KCNQ3: variants seen among roughly 807,000 people sequenced by gnomAD.
KCNQ3 encodes the protein potassium voltage-gated channel subfamily KQT member 3.
Under a neutral mutation model 92.5 loss-of-function variants are expected in KCNQ3, and 30 were observed. The observed-to-expected ratio is 0.32, with a 90% CI of 0.24 to 0.44. KCNQ3 has a LOEUF of 0.44. Ranked by LOEUF, KCNQ3 falls within the 20% of genes least tolerant of loss-of-function variation. The pLI, the probability that KCNQ3 is intolerant of heterozygous loss-of-function variation, is 1.00. For missense variants in KCNQ3, 913 were observed against 1,140.3 expected (o/e 0.80, Z 2.87); for synonymous variants, 450 against 468.8 (o/e 0.96, Z 0.52).
At chr8:132,134,426 G>C (rs1407516673) in intron 12 of KCNQ3, 38 bp from the exon 13 acceptor site, 6 of 1,410,368 alleles carry the variant, frequency 4.3e-6, no homozygotes, top group Non-Finnish European at 6.0e-6. Flanking sequence ...AAATTACACA[G>C]AGCTTTGTTT....
chr8:132,389,070 A>T (rs1445459862), intron 1 of KCNQ3, among the ~76,000 whole-genome samples: 1 of 152,212 alleles, frequency 6.6e-6, no homozygotes, highest in African/African-American at 2.4e-5. Flanking sequence ...TTCAGTATTT[A>T]AAAAAATGAA....
At chr8:132,281,466 G>A (rs1816509807) in intron 1 of KCNQ3, among the ~76,000 whole-genome samples, 1 of 151,450 alleles carries the variant, frequency 6.6e-6, no homozygotes, top group Non-Finnish European at 1.5e-5. Context: ...ACATACACAT[G>A]GAGTATGTAT....
At chr8:132,356,064 T>A (rs976979356) in intron 1 of KCNQ3, among the ~76,000 whole-genome samples, 1 of 152,220 alleles carries the variant, frequency 6.6e-6, no homozygotes, top group East Asian at 1.9e-4. Context: ...TCTCTGAGCC[T>A]CAGTTTTCTC....
At chr8:132,233,438 C>T (rs1010688301) in intron 1 of KCNQ3, among the ~76,000 whole-genome samples, 3 of 152,178 alleles carry the variant, frequency 2.0e-5, no homozygotes, top group African/African-American at 7.2e-5. Flanking sequence ...TAGTTGCCAC[C>T]TTAACCTTGA....
chr8:132,211,950 C>T (rs1036599450), intron 1 of KCNQ3, among the ~76,000 whole-genome samples: 3 of 120,752 alleles, frequency 2.5e-5, no homozygotes, highest in Non-Finnish European at 4.8e-5. Context: ...TAGACTCCAT[C>T]TCAAAAAAAA....
intron 1 of KCNQ3, among the ~76,000 whole-genome samples, chr8:132,379,768 G>A (rs1156477716): frequency 6.6e-6 from 1 of 152,112 alleles, no homozygotes; most frequent in Non-Finnish European, 1.5e-5. Flanking sequence ...AATTGTTCAG[G>A]AGACAAAGAC....
intron 1 of KCNQ3, among the ~76,000 whole-genome samples, chr8:132,433,912 T>TA (rs1427049379): frequency 8.5e-6 from 1 of 117,588 alleles, no homozygotes; most frequent in Non-Finnish European, 1.8e-5. Flanking sequence ...ATAAATAAAA[T>TA]AAAAAATAAT....
intron 4 of KCNQ3, among the ~76,000 whole-genome samples, chr8:132,178,023 T>G (rs1826625810): frequency 6.6e-6 from 1 of 152,252 alleles, no homozygotes; most frequent in Non-Finnish European, 1.5e-5. Flanking sequence ...AATCCATATA[T>G]ACTGAGGAAT....
chr8:132,172,607 C>T lies in KCNQ3; in HGVS notation c.1131G>A (p.Glu377=). The T allele has an allele frequency of 6.2e-7, 1 of 1,614,038 alleles. No individual in the cohort carries two copies. Among genetic ancestry groups the T allele is most frequent in the Non-Finnish European group, 8.5e-7 (1 of 1,179,964 alleles). Residue 377 remains glutamate (E), a synonymous_variant, in exon 7 of 15, where the codon GAG becomes GAA. Transcript: ENST00000388996. Reference sequence around the variant, plus strand: ...TCCCAGGCAGACAGACCTGAATGAGCTCAGCAGCTGGCTTCCTCCTTTTCT... The same window carrying T: ...TCCCAGGCAGACAGACCTGAATGAGTTCAGCAGCTGGCTTCCTCCTTTTCT... ...HFEKRRKPAA[E]LIQAAWRYYA... is the part of the protein sequence containing the mutation.
intron 9 of KCNQ3, among the ~76,000 whole-genome samples, chr8:132,154,192 A>ATTTTTTTTTTTTTTTTTTT (rs1563775830): frequency 4.3e-4 from 45 of 104,462 alleles, no homozygotes; most frequent in African/African-American, 8.6e-4. Context: ...AAAGGGTAAA[A>ATTTTTTTTTTTTTTTTTTT]GTTTTTTTTT....
At chr8:132,367,451 CTGGAAAAATAAGAGGCGGGCT>C in intron 1 of KCNQ3, among the ~76,000 whole-genome samples, 1 of 152,292 alleles carries the variant, frequency 6.6e-6, no homozygotes, top group South Asian at 2.1e-4. Flanking sequence ...AGGGCAAGAT[CTGGAAAAATAAGAGGCGGGCT>C]TTGCTTTCAA....
chr8:132,345,472 T>C (rs1407508303), intron 1 of KCNQ3, among the ~76,000 whole-genome samples: 1 of 152,204 alleles, frequency 6.6e-6, no homozygotes, highest in East Asian at 1.9e-4. Context: ...GCTTCAACCA[T>C]GATAGTAACA....
intron 1 of KCNQ3, among the ~76,000 whole-genome samples, chr8:132,399,155 G>A (rs1029246811): frequency 1.3e-5 from 2 of 152,186 alleles, no homozygotes; most frequent in African/African-American, 4.8e-5. Flanking sequence ...GGTCTCTATA[G>A]GCAGTAGAAT....
At chr8:132,388,880 C>T (rs370382938) in intron 1 of KCNQ3, among the ~76,000 whole-genome samples, 225 of 152,290 alleles carry the variant, frequency 1.5e-3, no homozygotes, top group African/African-American at 5.3e-3. Context: ...TGCAGTGGTT[C>T]TGATTCCATT....
intron 1 of KCNQ3, among the ~76,000 whole-genome samples, chr8:132,323,238 G>A (rs1218202927): frequency 6.6e-6 from 1 of 152,186 alleles, no homozygotes; most frequent in African/African-American, 2.4e-5. Flanking sequence ...AGAGGATGAG[G>A]AAGAGATCTC....
intron 1 of KCNQ3, among the ~76,000 whole-genome samples, chr8:132,349,018 T>G (rs753176297): frequency 6.6e-6 from 1 of 152,208 alleles, no homozygotes; most frequent in Non-Finnish European, 1.5e-5. Context: ...AAAGCCAAGT[T>G]GAACTGAGTC....
chr8:132,170,236 G>C, intron 8 of KCNQ3, 98 bp downstream of exon 8: 1 of 857,968 alleles, frequency 1.2e-6, no homozygotes, highest in South Asian at 1.4e-5. Flanking sequence ...TTGCCCTGAA[G>C]AGTGTTCTCC....
At position 132,419,945 on chromosome 8, in the gene KCNQ3, T is replaced by A. The variant is rs141183196; in HGVS notation, c.386+60202A>T. ...CCCACGTTGGAATACATGGGTACTGTCTCAGTCAGTTTGGGCTGTTATAAC... is the reference window on the plus strand; with the variant it reads ...CCCACGTTGGAATACATGGGTACTGACTCAGTCAGTTTGGGCTGTTATAAC... On this transcript the variant is annotated intron_variant, in intron 1 of 14. Transcript: ENST00000388996. Among the ~76,000 whole-genome samples the A allele has an allele frequency of 5.2e-3, 790 of 152,298 alleles. 4 individuals are homozygous for A. Among genetic ancestry groups the A allele is most frequent in the Non-Finnish European group, 8.2e-3 (560 of 68,018 alleles).
At chr8:132,176,261 C>G (rs1212600715) in intron 4 of KCNQ3, among the ~76,000 whole-genome samples, 1 of 152,130 alleles carries the variant, frequency 6.6e-6, no homozygotes, top group Non-Finnish European at 1.5e-5. Context: ...GGACATATGA[C>G]TAAGTAAACA....
Sources: allele counts gnomAD v4.1 joint callset (sites outside exome capture counted in the v4.1 genomes callset), GRCh38; gene constraint gnomAD v4.1.1; transcripts MANE v1.5; gene names NCBI Gene and HGNC (gene_info 2026-07-23, HGNC 2026-07-21).